CFAP58: variants seen among roughly 807,000 people sequenced by gnomAD.
CFAP58 encodes cilia- and flagella-associated protein 58.
Under a neutral mutation model 119.5 loss-of-function variants are expected in CFAP58, and 88 were observed. The observed-to-expected ratio is 0.74, with a 90% CI of 0.62 to 0.88. The LOEUF is 0.88. CFAP58 is among the 40% of genes least tolerant of loss of function. CFAP58 has a pLI of 0.00. For missense variants in CFAP58, 990 were observed against 1,021.2 expected, an observed-to-expected ratio of 0.97 and a Z score of 0.42; for synonymous variants, 365 against 366.3, an observed-to-expected ratio of 1.00 and a Z score of 0.04.
intron 15 of CFAP58, among the ~76,000 whole-genome samples, chr10:104,415,399 A>G (rs969432584): frequency 1.1e-4 from 17 of 152,190 alleles, no homozygotes; most frequent in African/African-American, 4.1e-4. Flanking sequence ...ATTGTCCATC[A>G]GAGGAAAGAG....
intron 15 of CFAP58, among the ~76,000 whole-genome samples, chr10:104,435,456 T>C (rs1474374589): frequency 6.6e-6 from 1 of 152,202 alleles, no homozygotes; most frequent in Non-Finnish European, 1.5e-5. Context: ...CACTCCAGCC[T>C]GGGTGACAGA....
At chr10:104,380,272 G>T (rs368717762) in intron 9 of CFAP58, 52 bp downstream of exon 9, 9 of 1,459,704 alleles carry the variant, frequency 6.2e-6, no homozygotes, top group Middle Eastern at 2.3e-4. Context: ...TCCTTCCTCC[G>T]CATTTCTGAT....
At chr10:104,433,703 C>A (rs984199345) in intron 15 of CFAP58, among the ~76,000 whole-genome samples, 8 of 152,214 alleles carry the variant, frequency 5.3e-5, no homozygotes, top group African/African-American at 1.2e-4. Flanking sequence ...GTTCGAATTA[C>A]TTGGGGTTAT....
At chr10:104,452,253 TAAG>T (rs1479711642) in intron 17 of CFAP58, among the ~76,000 whole-genome samples, 1 of 152,014 alleles carries the variant, frequency 6.6e-6, no homozygotes, top group Non-Finnish European at 1.5e-5. Context: ...CATAAAATAG[TAAG>T]AAATAATAAA....
chr10:104,364,897 A>G lies in CFAP58; in HGVS notation c.597+8A>G. On this transcript the variant is annotated splice_region_variant and intron_variant, in intron 4 of 17. Coordinates refer to ENST00000369704, the MANE Select transcript of CFAP58 (RefSeq NM_001008723.2). ...GAACATGCCATCAGTCAGGTCTGCCATGGAGGGCAAGAAGAAGGAATATTT... is the reference window on the plus strand; with the variant it reads ...GAACATGCCATCAGTCAGGTCTGCCGTGGAGGGCAAGAAGAAGGAATATTT... The G allele has an allele frequency of 1.2e-6, 2 of 1,610,078 alleles. No homozygotes were observed. Among genetic ancestry groups the G allele is most frequent in the Non-Finnish European group, 1.7e-6 (2 of 1,178,524 alleles).
intron 9 of CFAP58, among the ~76,000 whole-genome samples, chr10:104,381,477 T>A (rs961499459): frequency 6.6e-6 from 1 of 152,192 alleles, no homozygotes; most frequent in Non-Finnish European, 1.5e-5. Flanking sequence ...TAACAAAGTT[T>A]GGGAGAAAAG....
upstream of CFAP58, among the ~76,000 whole-genome samples, chr10:104,350,459 A>C (rs2014447120): frequency 6.6e-6 from 1 of 152,204 alleles, no homozygotes; most frequent in Non-Finnish European, 1.5e-5. Flanking sequence ...TTTCATCAGC[A>C]TAAATTGATA....
intron 15 of CFAP58, among the ~76,000 whole-genome samples, chr10:104,413,671 C>G (rs1564897264): frequency 6.6e-6 from 1 of 151,894 alleles, no homozygotes; most frequent in Admixed American, 6.6e-5. Context: ...GTCTATATGC[C>G]TTGAGTAACT....
intron 13 of CFAP58, among the ~76,000 whole-genome samples, chr10:104,402,176 C>T (rs1481411128): frequency 2.0e-5 from 3 of 152,170 alleles, no homozygotes; most frequent in East Asian, 3.8e-4. Context: ...ACTGACCTTC[C>T]CTGAGCTTTG....
At chr10:104,433,194 A>G (rs928700885) in intron 15 of CFAP58, among the ~76,000 whole-genome samples, 3 of 152,130 alleles carry the variant, frequency 2.0e-5, no homozygotes, top group African/African-American at 4.8e-5. Context: ...TCTGGGATCA[A>G]GCCATCCACC....
intron 15 of CFAP58, among the ~76,000 whole-genome samples, chr10:104,418,724 A>T (rs2012594588): frequency 6.6e-6 from 1 of 152,188 alleles, no homozygotes; most frequent in South Asian, 2.1e-4. Flanking sequence ...CTGCTTTAAG[A>T]TCTGGAAGGC....
intron 15 of CFAP58, among the ~76,000 whole-genome samples, chr10:104,417,287 G>A (rs1394293072): frequency 6.6e-6 from 1 of 152,190 alleles, no homozygotes; most frequent in Non-Finnish European, 1.5e-5. Flanking sequence ...GAAATATGGA[G>A]CTCATCATTT....
chr10:104,351,927 T>G (rs970142405), upstream of CFAP58: 1 of 152,032 alleles, frequency 6.6e-6, no homozygotes, highest in Non-Finnish European at 1.5e-5. Context: ...CTCAAAGATA[T>G]CTGTAAATCA....
chr10:104,439,076 G>T (rs2012991678), intron 15 of CFAP58, among the ~76,000 whole-genome samples: 1 of 152,142 alleles, frequency 6.6e-6, no homozygotes. Context: ...ACAGATATGT[G>T]ATAAAACTAT....
chr10:104,406,415 G>T (rs11192043), intron 14 of CFAP58, among the ~76,000 whole-genome samples: 22,353 of 152,192 alleles, frequency 0.15, 1,836 homozygotes, highest in Middle Eastern at 0.31. Flanking sequence ...TACCATTATT[G>T]TTATTACCAC....
chr10:104,429,906 C>A (rs534439555), intron 15 of CFAP58, among the ~76,000 whole-genome samples: 84 of 152,046 alleles, frequency 5.5e-4, no homozygotes, highest in African/African-American at 1.9e-3. Context: ...CCTCTTTTGC[C>A]TGCTCTGAGG....
intron 16 of CFAP58, among the ~76,000 whole-genome samples, chr10:104,449,177 T>C (rs201650079): frequency 2.7e-5 from 4 of 146,164 alleles, no homozygotes; most frequent in Admixed American, 6.8e-5. Flanking sequence ...TTTTTTTTTT[T>C]CCAGCATGAA....
At chr10:104,362,493 C>T (rs560355567) in intron 3 of CFAP58, among the ~76,000 whole-genome samples, 2 of 152,290 alleles carry the variant, frequency 1.3e-5, no homozygotes, top group African/African-American at 4.8e-5. Flanking sequence ...AGAGTCCCAG[C>T]TTCTCCCACC....
chr10:104,421,267 C>T (rs962762733), intron 15 of CFAP58, among the ~76,000 whole-genome samples: 10 of 152,146 alleles, frequency 6.6e-5, no homozygotes, highest in African/African-American at 2.4e-4. Context: ...TCCAACTTTC[C>T]ACCTGTTTTA....
Sources: allele counts gnomAD v4.1 joint callset (sites outside exome capture counted in the v4.1 genomes callset), GRCh38; gene constraint gnomAD v4.1.1; transcripts MANE v1.5; gene names NCBI Gene and HGNC (gene_info 2026-07-23, HGNC 2026-07-21).